TENM1: variants seen among roughly 807,000 people sequenced by gnomAD.
TENM1 encodes teneurin-1.
TENM1 carries 35 observed loss-of-function variants against 174.8 expected under a neutral mutation model. The ratio of observed to expected loss-of-function variants is 0.20; its 90% CI spans 0.15 to 0.27. The LOEUF is 0.27. Among genes scored for constraint, TENM1 ranks in the 10% least tolerant of loss-of-function variants. The pLI is 1.00. For missense variants in TENM1, 1,633 were observed against 2,130.1 expected, an observed-to-expected ratio of 0.77 and a Z score of 4.59; for synonymous variants, 781 against 798.7, an observed-to-expected ratio of 0.98 and a Z score of 0.37.
At chrX:125,054,784 T>C in the TENM1 span, among the ~76,000 whole-genome samples, 5 of 111,280 alleles carry the variant, frequency 4.5e-5, no homozygotes, top group Non-Finnish European at 7.5e-5. Context: ...AACGGAGACA[T>C]GTGGAGGAGG....
At chrX:124,993,806 G>A in the TENM1 span, among the ~76,000 whole-genome samples, 368 of 107,133 alleles carry the variant, frequency 3.4e-3, 1 homozygote, top group Non-Finnish European at 4.2e-3. Context: ...AAATGCATAC[G>A]TGTGCATGCA....
At chrX:124,743,487 T>C (rs771490383) in intron 3 of TENM1, among the ~76,000 whole-genome samples, 3 of 111,557 alleles carry the variant, frequency 2.7e-5, no homozygotes, top group South Asian at 3.8e-4. Flanking sequence ...AGAGGAGATA[T>C]CACAACTGAA....
chrX:124,962,645 C>G (rs1029459026), intron 1 of TENM1, among the ~76,000 whole-genome samples: 1 of 110,872 alleles, frequency 9.0e-6, no homozygotes, highest in Non-Finnish European at 1.9e-5. Context: ...TGGTGAAACC[C>G]CATCTCCACT....
At chrX:124,546,634 A>G (rs1349007144) in intron 15 of TENM1, among the ~76,000 whole-genome samples, 1 of 112,153 alleles carries the variant, frequency 8.9e-6, no homozygotes, top group Non-Finnish European at 1.9e-5. Context: ...TGTTATTAAA[A>G]GCCATATTAT....
the TENM1 span, among the ~76,000 whole-genome samples, chrX:125,114,536 T>C: frequency 1.5e-3 from 161 of 110,424 alleles, 1 homozygote; most frequent in African/African-American, 5.1e-3. Context: ...ATAGACACAA[T>C]ATAAAATGAC....
At chrX:125,018,017 TAAAA>T in the TENM1 span, among the ~76,000 whole-genome samples, 1 of 111,703 alleles carries the variant, frequency 9.0e-6, no homozygotes, top group Non-Finnish European at 1.9e-5. Flanking sequence ...TAAAGTTTAA[TAAAA>T]AAATTAAATT....
chrX:124,592,692 C>T (rs769971780), intron 11 of TENM1, among the ~76,000 whole-genome samples: 5 of 109,983 alleles, frequency 4.5e-5, no homozygotes, highest in Admixed American at 9.6e-5. Context: ...CCCACCCCAC[C>T]GCTCCCCTTG....
intron 1 of TENM1, among the ~76,000 whole-genome samples, chrX:124,926,307 C>G (rs1481611677): frequency 1.8e-5 from 2 of 111,673 alleles, no homozygotes; most frequent in Non-Finnish European, 3.8e-5. Flanking sequence ...CAATTTCCCT[C>G]TCCTTAAAAT....
At chrX:124,447,769 C>T (rs1040986155) in intron 23 of TENM1, among the ~76,000 whole-genome samples, 6 of 111,155 alleles carry the variant, frequency 5.4e-5, no homozygotes, top group African/African-American at 1.6e-4. Flanking sequence ...CTCATTCCTC[C>T]GTTTTTTCTT....
chrX:124,588,240 AC>A (rs1474667505), intron 11 of TENM1, among the ~76,000 whole-genome samples: 2 of 111,353 alleles, frequency 1.8e-5, no homozygotes, highest in Non-Finnish European at 3.8e-5. Flanking sequence ...ACACATGCAC[AC>A]GTATGTTTAT....
intron 11 of TENM1, among the ~76,000 whole-genome samples, chrX:124,637,112 G>A (rs930892539): frequency 9.0e-5 from 9 of 100,214 alleles, no homozygotes; most frequent in African/African-American, 7.4e-5. Flanking sequence ...TTTTTGTGAC[G>A]GAGTTTCGCT....
At chrX:124,443,611 A>G (rs1246809729) in intron 23 of TENM1, among the ~76,000 whole-genome samples, 1 of 112,161 alleles carries the variant, frequency 8.9e-6, no homozygotes, top group Non-Finnish European at 1.9e-5. Context: ...AAGAATCAGA[A>G]ATGTGCCCCA....
chrX:125,118,281 A>G, the TENM1 span, among the ~76,000 whole-genome samples: 1 of 111,007 alleles, frequency 9.0e-6, no homozygotes, highest in South Asian at 3.8e-4. Flanking sequence ...AATGTTCACT[A>G]TTTGGGGGAT....
the TENM1 span, among the ~76,000 whole-genome samples, chrX:125,151,418 A>T: frequency 6.3e-5 from 7 of 111,772 alleles, no homozygotes; most frequent in Non-Finnish European, 1.3e-4. Flanking sequence ...TATATTATAG[A>T]TTATTGCTTT....
At chrX:125,018,743 A>G in the TENM1 span, among the ~76,000 whole-genome samples, 1 of 111,254 alleles carries the variant, frequency 9.0e-6, no homozygotes, top group Admixed American at 9.6e-5. Flanking sequence ...TAACTTTTCA[A>G]ATATTGCTTT....
chrX:124,890,587 C>A (rs988732266), intron 3 of TENM1, among the ~76,000 whole-genome samples: 8 of 111,759 alleles, frequency 7.2e-5, no homozygotes, highest in African/African-American at 2.6e-4. Flanking sequence ...TGCTCAACAT[C>A]ATTAACCATC....
chrX:125,087,284 CAATAT>C, the TENM1 span, among the ~76,000 whole-genome samples: 19 of 110,420 alleles, frequency 1.7e-4, no homozygotes, highest in Non-Finnish European at 2.9e-4. Context: ...TGAATATTAT[CAATAT>C]TTTATATACA....
At chrX:124,972,171 T>C in the TENM1 span, among the ~76,000 whole-genome samples, 1 of 108,040 alleles carries the variant, frequency 9.3e-6, no homozygotes, top group Non-Finnish European at 1.9e-5. Context: ...AGGCATAGGT[T>C]GCAGTGAGAC....
intron 23 of TENM1, among the ~76,000 whole-genome samples, chrX:124,441,190 G>C (rs1030525448): frequency 9.0e-6 from 1 of 111,673 alleles, no homozygotes; most frequent in Non-Finnish European, 1.9e-5. Flanking sequence ...ATAAATGGCA[G>C]AATATGGACT....
Sources: allele counts gnomAD v4.1 joint callset (sites outside exome capture counted in the v4.1 genomes callset), GRCh38; gene constraint gnomAD v4.1.1; transcripts MANE v1.5; gene names NCBI Gene and HGNC (gene_info 2026-07-23, HGNC 2026-07-21).